Variants in KIF3A observed in about 807,000 individuals in gnomAD.
KIF3A encodes the protein kinesin family member 3A.
KIF3A carries 27 observed loss-of-function variants against 92.6 expected under a neutral mutation model. The ratio of observed to expected loss-of-function variants is 0.29; its 90% CI spans 0.21 to 0.40. KIF3A has a LOEUF of 0.40. Ranked by LOEUF, KIF3A falls within the 10% of genes least tolerant of loss-of-function variation. The probability of loss-of-function intolerance (pLI) is 1.00; values close to 1 mark genes in which losing one functional copy is unlikely to be tolerated. For synonymous variants in KIF3A, 250 were observed against 275.4 expected, an observed-to-expected ratio of 0.91 and a Z score of 0.92; for missense variants, 581 against 872.6, an observed-to-expected ratio of 0.67 and a Z score of 4.21.
At chr5:132,718,308 G>GT (rs979756587) in intron 5 of KIF3A, among the ~76,000 whole-genome samples, 1 of 152,172 alleles carries the variant, frequency 6.6e-6, no homozygotes, top group African/African-American at 2.4e-5. Context: ...ACCTGACTGG[G>GT]TTTTTTTGTT....
At chr5:132,735,215 C>T (rs1754350714) in intron 1 of KIF3A, among the ~76,000 whole-genome samples, 5 of 152,156 alleles carry the variant, frequency 3.3e-5, no homozygotes, top group Admixed American at 3.3e-4. Context: ...GCTAGGATTA[C>T]AGGCGTCCAT....
intron 2 of KIF3A, among the ~76,000 whole-genome samples, chr5:132,728,400 T>TA (rs1219206085): frequency 2.0e-5 from 3 of 152,054 alleles, no homozygotes; most frequent in African/African-American, 7.2e-5. Flanking sequence ...ACCCCAATCC[T>TA]AAAAAATAGG....
At chr5:132,705,431 G>A (rs181378839) in intron 11 of KIF3A, among the ~76,000 whole-genome samples, 112 of 152,034 alleles carry the variant, frequency 7.4e-4, no homozygotes, top group African/African-American at 2.6e-3. Context: ...GTATGTACAG[G>A]CTTCAAGGGT....
chr5:132,700,040 G>C (rs909848530), intron 17 of KIF3A, among the ~76,000 whole-genome samples, 176 bp downstream of exon 17: 1 of 152,128 alleles, frequency 6.6e-6, no homozygotes, highest in East Asian at 1.9e-4. Context: ...ATGGTAAGCA[G>C]AACTGTCCTC....
chr5:132,701,123 C>G (rs1246793046), intron 15 of KIF3A, among the ~76,000 whole-genome samples: 2 of 105,268 alleles, frequency 1.9e-5, no homozygotes, highest in Non-Finnish European at 4.9e-5. Flanking sequence ...TTCCATGTAC[C>G]TGAGGTCCAA....
Position 132,724,814 on chromosome 5 carries a change from TATATATATATATATATATATATATATA to T in KIF3A, c.510+1287_510+1313del, listed in dbSNP as rs1434098488. 5.8e-4 allele frequency among the ~76,000 whole-genome samples: 8 copies of T among 13,730 alleles called. 1 individual carries two copies. In the South Asian group the frequency reaches 7.0e-3, roughly 12 times the overall value. 9.0% of individuals were successfully genotyped at this position (13,730 alleles called of 152,430 possible). ...TAATAAAAAAAAAAAAAAATATATA[TATATATATATATATATATATATATATA>T]TATATATATATATATTAAAAAATCA... On this transcript the variant is annotated intron_variant, in intron 4 of 18. Transcript: ENST00000403231.
chr5:132,722,607 A>C (rs1753862209), intron 4 of KIF3A, among the ~76,000 whole-genome samples: 1 of 152,196 alleles, frequency 6.6e-6, no homozygotes, highest in Admixed American at 6.6e-5. Context: ...TAATTATCTG[A>C]GTCTAGACCC....
At chr5:132,737,388 C>G (rs766296641) in intron 1 of KIF3A, 26 bp downstream of exon 1, 1 of 1,608,074 alleles carries the variant, frequency 6.2e-7, no homozygotes, top group Non-Finnish European at 8.5e-7. Flanking sequence ...GAGAAGAAAC[C>G]CCAGAAGCGA....
At chr5:132,717,995 TTTG>T (rs1461256417) in intron 5 of KIF3A, among the ~76,000 whole-genome samples, 1 of 152,164 alleles carries the variant, frequency 6.6e-6, no homozygotes, top group East Asian at 1.9e-4. Context: ...ATTTCTGGTA[TTTG>T]TTTTTTTAAT....
intron 5 of KIF3A, among the ~76,000 whole-genome samples, chr5:132,717,806 C>T (rs1239876440): frequency 6.6e-6 from 1 of 151,986 alleles, no homozygotes; most frequent in Non-Finnish European, 1.5e-5. Flanking sequence ...TATCTTCCTA[C>T]TATACATTCA....
At chr5:132,706,392 C>T (rs1753211160) in intron 11 of KIF3A, 59 bp downstream of exon 11, 4 of 1,304,726 alleles carry the variant, frequency 3.1e-6, no homozygotes, top group African/African-American at 3.1e-5. Flanking sequence ...ATTTAAATAA[C>T]ATAGTTCTTT....
chr5:132,693,146 A>T lies in KIF3A; in HGVS notation c.*3488T>A, dbSNP rs760538618. On this transcript the variant is annotated 3_prime_UTR_variant, in exon 19 of 19. Transcript: ENST00000403231. ...AAGTAGCACCACCCCCTCCCCCAAT[A>T]AAACCTTAAATTTTTGCTGTAAAAA... The T allele has an allele frequency of 6.0e-5, 9 of 150,240 alleles. No individual in the cohort carries two copies. The highest frequency in any genetic ancestry group is 1.3e-4 in the Non-Finnish European group (9 of 67,910). 9.3% of individuals were successfully genotyped at this position (150,240 alleles called of 1,614,324 possible). A position where few individuals can be genotyped will look rare whatever the true frequency, so the allele number is the denominator to read the frequency against.
At chr5:132,715,645 C>A in intron 8 of KIF3A, 112 bp downstream of exon 8, 3 of 677,050 alleles carry the variant, frequency 4.4e-6, no homozygotes, top group Non-Finnish European at 4.9e-6. Context: ...CATTTAACTA[C>A]CAATGTTAGA....
intron 10 of KIF3A, 70 bp downstream of exon 10, chr5:132,708,837 T>G (rs561937140): frequency 4.0e-6 from 4 of 1,001,554 alleles, no homozygotes; most frequent in Non-Finnish European, 6.2e-6. Context: ...GGTGCAGCAT[T>G]GCTCAAATGA....
intron 3 of KIF3A, 27 bp downstream of exon 3, chr5:132,726,327 T>A (rs112456763): frequency 2.2e-5 from 36 of 1,610,230 alleles, no homozygotes; most frequent in Non-Finnish European, 2.9e-5. Context: ...CTTCTCAATA[T>A]CAGAAAATAA....
At chr5:132,699,453 A>C (rs1483545928) in intron 17 of KIF3A, 158 bp from the exon 18 acceptor site, 30 of 711,746 alleles carry the variant, frequency 4.2e-5, no homozygotes, top group Non-Finnish European at 7.0e-5. Flanking sequence ...CCAGTATCTA[A>C]AATGTACTTA....
chr5:132,719,061 AAC>A (rs10594222), intron 5 of KIF3A, among the ~76,000 whole-genome samples: 85,647 of 151,958 alleles, frequency 0.56, 26,800 homozygotes, highest in Non-Finnish European at 0.73. Flanking sequence ...TAAAATTAGA[AAC>A]ACAGAGTCAA....
rs981730495 is a variant in KIF3A at position 132,737,478 on chromosome 5, G to A, written c.-59C>T. 1.3e-6 allele frequency: 2 copies of A among 1,588,170 alleles called. No homozygotes were observed. The highest frequency in any genetic ancestry group is 1.8e-5 in the Admixed American group (1 of 56,070). On this transcript the variant is annotated 5_prime_UTR_variant, in exon 1 of 19. Coordinates refer to ENST00000403231, the MANE Select transcript of KIF3A (RefSeq NM_001300791.2). Reference sequence around the variant, plus strand: ...GCCCGGGGTGCAGCCCAGCGACACCGGGTGCGCAGAAAGGATGGCCAGAGA... The same window carrying A: ...GCCCGGGGTGCAGCCCAGCGACACCAGGTGCGCAGAAAGGATGGCCAGAGA...
At chr5:132,726,851 A>G (rs904787741) in intron 2 of KIF3A, among the ~76,000 whole-genome samples, 2 of 152,240 alleles carry the variant, frequency 1.3e-5, no homozygotes, top group Non-Finnish European at 2.9e-5. Context: ...GCACAGAAAA[A>G]GAATACAGGC....
Sources: gnomAD v4.1 joint callset for allele counts (sites outside exome capture counted in the v4.1 genomes callset) on GRCh38, gnomAD v4.1.1 for gene constraint, MANE v1.5 for transcripts, NCBI Gene and HGNC (gene_info 2026-07-23, HGNC 2026-07-21) for gene names.